Variants in CLEC4A observed in about 807,000 individuals in gnomAD.
CLEC4A encodes C-type lectin domain family 4 member A.
A neutral mutation model predicts 32.7 loss-of-function variants in CLEC4A; 27 were observed. The ratio of observed to expected loss-of-function variants is 0.83; its 90% CI spans 0.61 to 1.14. The LOEUF is 1.14. Among genes scored for constraint, CLEC4A ranks in the 50% most tolerant of loss-of-function variants. CLEC4A has a pLI of 0.00. For synonymous variants in CLEC4A, 89 were observed against 93.7 expected, an observed-to-expected ratio of 0.95 and a Z score of 0.29; for missense variants, 253 against 274.6, an observed-to-expected ratio of 0.92 and a Z score of 0.55.
chr12:8,138,390 A>C lies in CLEC4A; in HGVS notation c.*103A>C. The C allele has an allele frequency of 7.3e-7, 1 of 1,378,788 alleles. No individual in the cohort carries two copies. Among genetic ancestry groups the C allele is most frequent in the Non-Finnish European group, 1.0e-6 (1 of 998,882 alleles). 85.4% of individuals were successfully genotyped at this position (1,378,788 alleles called of 1,614,324 possible). A position where few individuals can be genotyped will look rare whatever the true frequency, so the allele number is the denominator to read the frequency against. On this transcript the variant is annotated 3_prime_UTR_variant, in exon 6 of 6. Coordinates refer to ENST00000229332, the MANE Select transcript of CLEC4A (RefSeq NM_016184.4). ...TGTGTAAGGGAGGTCCATAGAATTT[A>C]GGTGGTCTGTCAACTATTCTACTTA... is the stretch of plus-strand genomic sequence containing the variant.
chr12:8,111,915 G>C, the CLEC4A span, among the ~76,000 whole-genome samples: 1 of 122,730 alleles, frequency 8.1e-6, no homozygotes, highest in Non-Finnish European at 1.7e-5. Context: ...TGTTATGTGA[G>C]TGTGTATATG....
chr12:8,127,575 A>G (rs1311444060), intron 2 of CLEC4A, among the ~76,000 whole-genome samples: 1 of 152,244 alleles, frequency 6.6e-6, no homozygotes, highest in African/African-American at 2.4e-5. Flanking sequence ...TTGGACTTAT[A>G]GAAACATGAT....
chr12:8,114,608 C>G, the CLEC4A span, among the ~76,000 whole-genome samples: 1 of 152,132 alleles, frequency 6.6e-6, no homozygotes, highest in Non-Finnish European at 1.5e-5. Flanking sequence ...ACGAATTTTT[C>G]TTTTTTCACC....
At chr12:8,110,013 G>C in the CLEC4A span, among the ~76,000 whole-genome samples, 5 of 152,236 alleles carry the variant, frequency 3.3e-5, no homozygotes, top group Non-Finnish European at 5.9e-5. Flanking sequence ...TCCATAGTAA[G>C]GATTTAAATT....
the CLEC4A span, among the ~76,000 whole-genome samples, chr12:8,109,612 A>G: frequency 6.6e-6 from 1 of 152,156 alleles, no homozygotes; most frequent in African/African-American, 2.4e-5. Flanking sequence ...GTGCTTTAGG[A>G]GCCTACGGTG....
At chr12:8,127,664 C>T (rs1591607486) in intron 2 of CLEC4A, among the ~76,000 whole-genome samples, 1 of 151,796 alleles carries the variant, frequency 6.6e-6, no homozygotes, top group East Asian at 1.9e-4. Flanking sequence ...TTCATTAATT[C>T]AATTGAGAAA....
chr12:8,135,886 T>A, intron 4 of CLEC4A, 150 bp downstream of exon 4: 1 of 688,090 alleles, frequency 1.5e-6, no homozygotes, highest in Non-Finnish European at 2.3e-6. Context: ...TAAGCCTTTA[T>A]ATTCCATACC....
At chr12:8,111,679 T>A in the CLEC4A span, among the ~76,000 whole-genome samples, 1 of 152,188 alleles carries the variant, frequency 6.6e-6, no homozygotes, top group African/African-American at 2.4e-5. Context: ...CTCTAAAGTA[T>A]GGATGTACCG....
rs1457300126 is a variant in CLEC4A at position 8,133,647 on chromosome 12, G to A, written c.299-1938G>A. On this transcript the variant is annotated intron_variant, in intron 3 of 5. Transcript: ENST00000229332. The stretch of plus-strand genomic sequence containing the variant: ...CCAAACTCCCCTGCCCCCACCCTTT[G>A]TGTTCCCAATTCCTTCCTTAGTGAA... 1.4e-5 allele frequency: 18 copies of A among 1,283,586 alleles called. No individual in the cohort carries two copies. In the Admixed American group the frequency reaches 1.7e-4, roughly 12 times the overall value. The allele number at this position is 1,283,586 out of a possible 1,614,324, so 79.5% of individuals were successfully genotyped here.
At chr12:8,134,237 T>C (rs1362273711) in intron 3 of CLEC4A, 1 of 1,612,266 alleles carries the variant, frequency 6.2e-7, no homozygotes, top group Admixed American at 1.7e-5. Flanking sequence ...CTCCACCCAC[T>C]TCTGCAGCAA....
chr12:8,117,852 A>T, the CLEC4A span, among the ~76,000 whole-genome samples: 1 of 152,196 alleles, frequency 6.6e-6, no homozygotes, highest in Admixed American at 6.5e-5. Flanking sequence ...GGAGAATTAG[A>T]TGCCAAAAAG....
At chr12:8,132,890 G>A (rs750135222) in intron 3 of CLEC4A, among the ~76,000 whole-genome samples, 8 of 151,414 alleles carry the variant, frequency 5.3e-5, no homozygotes, top group African/African-American at 9.7e-5. Context: ...GTTTCTTTGT[G>A]GGTTTTTTTG....
Position 8,138,179 on chromosome 12 carries a change from C to T in CLEC4A, c.606C>T (p.Arg202=). The T allele has an allele frequency of 6.2e-7, 1 of 1,614,122 alleles. No individual in the cohort carries two copies. Among genetic ancestry groups the T allele is most frequent in the East Asian group, 2.2e-5 (1 of 44,880 alleles). Residue 202 remains arginine, a synonymous_variant, in exon 6 of 6, where the codon CGC becomes CGT. Coordinates refer to ENST00000229332, the MANE Select transcript of CLEC4A (RefSeq NM_016184.4). ...GTGAGCCCAGTGATCCCAATGAGCG[C>T]TGCGTTGTGCTAAATTTTCGTAAAT... ...HPREPSDPNE[R]CVVLNFRKSP...
chr12:8,127,965 T>C, intron 2 of CLEC4A, among the ~76,000 whole-genome samples: 1 of 152,210 alleles, frequency 6.6e-6, no homozygotes, highest in Non-Finnish European at 1.5e-5. Flanking sequence ...ATGTGTCTAC[T>C]GGGAGACACA....
the CLEC4A span, among the ~76,000 whole-genome samples, chr12:8,106,227 A>G: frequency 6.6e-6 from 1 of 152,060 alleles, no homozygotes; most frequent in African/African-American, 2.4e-5. Context: ...TGGACTCTCT[A>G]TTCTGTTACA....
rs139669763 is a variant in CLEC4A, at chr12:8,135,704, C to T, written c.418C>T (p.His140Tyr). The change falls in exon 4 of 6, where the codon CAC (histidine) becomes TAC (tyrosine). Residue 140 changes from histidine (H) to tyrosine (Y), a missense_variant. Physicochemically the swap from His to Tyr is moderately conservative, Grantham distance 83. Transcript: ENST00000229332. The stretch of plus-strand genomic sequence containing the variant: ...GAAGGACTGTGCTAGAATGGAGGCT[C>T]ACCTGCTGGTGATAAACACTCAAGA... ...SEKDCARMEAHLLVINTQEEQ... is the reference protein window; with the variant it reads ...SEKDCARMEAYLLVINTQEEQ... The T allele has an allele frequency of 9.5e-5, 153 of 1,614,038 alleles. No individual in the cohort carries two copies. The highest frequency in any genetic ancestry group is 5.3e-5 in the African/African-American group (4 of 74,932).
intron 2 of CLEC4A, among the ~76,000 whole-genome samples, chr12:8,125,972 T>C (rs149992469): frequency 2.6e-4 from 39 of 152,342 alleles, no homozygotes; most frequent in African/African-American, 9.1e-4. Flanking sequence ...CTAGACACTA[T>C]GTAAGTGAGG....
chr12:8,134,377 T>C, intron 3 of CLEC4A: 3 of 1,612,956 alleles, frequency 1.9e-6, no homozygotes, highest in South Asian at 2.2e-5. Flanking sequence ...TATCCCAGGG[T>C]GATCCTCTTC....
chr12:8,135,047 C>CTTTTTTTTTT (rs1187858911), intron 3 of CLEC4A, among the ~76,000 whole-genome samples: 270 of 9,028 alleles, frequency 0.03, 77 homozygotes, highest in South Asian at 0.11. Flanking sequence ...ATTTTATTAT[C>CTTTTTTTTTT]TTTTTTTTTT....
Sources: allele counts gnomAD v4.1 joint callset (sites outside exome capture counted in the v4.1 genomes callset), GRCh38; gene constraint gnomAD v4.1.1; transcripts MANE v1.5; gene names NCBI Gene and HGNC (gene_info 2026-07-23, HGNC 2026-07-21).